The following IGF1R variants were observed in gnomAD, a reference collection of about 807,000 sequenced individuals.
The protein encoded by IGF1R is insulin like growth factor 1 receptor, also known as insulin-like growth factor 1 receptor.
Under a neutral mutation model 144.6 loss-of-function variants are expected in IGF1R, and 44 were observed. That is an observed-to-expected ratio of 0.30 (90% CI 0.24 to 0.39). The LOEUF (loss-of-function observed/expected upper bound fraction) is 0.39, where lower values mean the gene tolerates loss of function less well. Ranked by LOEUF, IGF1R falls within the 10% of genes least tolerant of loss-of-function variation. The probability of loss-of-function intolerance (pLI) is 1.00; values close to 1 mark genes in which losing one functional copy is unlikely to be tolerated. For synonymous variants in IGF1R, 795 were observed against 722.8 expected, an observed-to-expected ratio of 1.10 and a Z score of -1.60; for missense variants, 1,355 against 1,833.7, an observed-to-expected ratio of 0.74 and a Z score of 4.77.
chr15:98,827,366 A>C (rs962507836), intron 2 of IGF1R, among the ~76,000 whole-genome samples: 2 of 152,212 alleles, frequency 1.3e-5, no homozygotes, highest in African/African-American at 2.4e-5. Context: ...CCCTTAGCTC[A>C]GGGAGCTTTG....
chr15:98,923,188 A>T (rs952974597), intron 11 of IGF1R, among the ~76,000 whole-genome samples: 4 of 152,180 alleles, frequency 2.6e-5, no homozygotes, highest in Admixed American at 2.6e-4. Context: ...ACTTTCCATG[A>T]CCTTTGCTTA....
intron 2 of IGF1R, among the ~76,000 whole-genome samples, chr15:98,769,249 T>A (rs2055522037): frequency 1.3e-5 from 2 of 151,948 alleles, no homozygotes; most frequent in Non-Finnish European, 2.9e-5. Flanking sequence ...TTGTGGCTAA[T>A]TTGTCCATGA....
chr15:98,851,729 C>T (rs560034877), intron 2 of IGF1R, among the ~76,000 whole-genome samples: 18 of 152,306 alleles, frequency 1.2e-4, no homozygotes, highest in African/African-American at 3.8e-4. Context: ...TCAAGACCAA[C>T]CAGAAGGGGA....
At chr15:98,867,553 TC>T (rs769284654) in intron 2 of IGF1R, among the ~76,000 whole-genome samples, 4 of 152,152 alleles carry the variant, frequency 2.6e-5, no homozygotes, top group Admixed American at 6.5e-5. Context: ...GTTCTTGTCC[TC>T]CCGTTAGGTA....
intron 4 of IGF1R, among the ~76,000 whole-genome samples, chr15:98,899,271 C>T (rs903814003): frequency 6.6e-6 from 1 of 152,174 alleles, no homozygotes; most frequent in Non-Finnish European, 1.5e-5. Context: ...ACTTGGCTTC[C>T]CCTGCCTGGG....
intron 1 of IGF1R, among the ~76,000 whole-genome samples, chr15:98,692,919 T>C (rs1311757503): frequency 6.6e-6 from 1 of 151,954 alleles, no homozygotes; most frequent in Non-Finnish European, 1.5e-5. Flanking sequence ...GGGGGAGGTA[T>C]GAGTGGTGGA....
At chr15:98,912,486 C>T (rs995666075) in intron 7 of IGF1R, among the ~76,000 whole-genome samples, 5 of 152,224 alleles carry the variant, frequency 3.3e-5, no homozygotes, top group African/African-American at 1.2e-4. Context: ...ACTATATTCT[C>T]TGATAGTCAC....
At chr15:98,705,270 T>TC (rs1567085563) in intron 1 of IGF1R, among the ~76,000 whole-genome samples, 2 of 152,168 alleles carry the variant, frequency 1.3e-5, no homozygotes, top group Non-Finnish European at 2.9e-5. Context: ...AAGTGACACT[T>TC]CGACAGTGTC....
intron 19 of IGF1R, among the ~76,000 whole-genome samples, chr15:98,946,972 C>G (rs766872381): frequency 6.6e-6 from 1 of 152,202 alleles, no homozygotes; most frequent in African/African-American, 2.4e-5. Context: ...GAGAGCTAGT[C>G]ATTTCTTGTA....
chr15:98,779,844 A>G (rs184461232), intron 2 of IGF1R, among the ~76,000 whole-genome samples: 1 of 152,162 alleles, frequency 6.6e-6, no homozygotes, highest in Admixed American at 6.5e-5. Context: ...GGTGAAGATG[A>G]CAGAGGCGAA....
chr15:98,963,631 GA>G lies in IGF1R; in HGVS notation c.*6190del. On this transcript the variant is annotated 3_prime_UTR_variant, in exon 21 of 21. Coordinates refer to ENST00000650285, the MANE Select transcript of IGF1R (RefSeq NM_000875.5). ...CTGCACAGCCAATGGTTTTCATGAT[GA>G]TTACAGCATACACAGTGATCACATA... 1 of 233,290 alleles carries G rather than the reference GA, an allele frequency of 4.3e-6. No homozygotes were observed. The highest frequency in any genetic ancestry group is 8.5e-6 in the Non-Finnish European group (1 of 118,042). 14.5% of individuals were successfully genotyped at this position (233,290 alleles called of 1,614,324 possible). A position where few individuals can be genotyped will look rare whatever the true frequency, so the allele number is the denominator to read the frequency against.
chr15:98,775,180 T>G lies in IGF1R; in HGVS notation c.640+67073T>G, dbSNP rs192211417. ...CAGAAATGGATGACCCCCAGCTGGG[T>G]CAGGCCAAGTCCTCCCTGCTGTAGC... On this transcript the variant is annotated intron_variant, in intron 2 of 20. Coordinates refer to ENST00000650285, the MANE Select transcript of IGF1R (RefSeq NM_000875.5). Among the ~76,000 whole-genome samples the G allele has an allele frequency of 4.6e-4, 70 of 152,266 alleles. 1 individual carries two copies. In the Middle Eastern group the frequency reaches 0.014, roughly 30 times the overall value.
At chr15:98,730,786 A>G (rs1055204819) in intron 2 of IGF1R, among the ~76,000 whole-genome samples, 6 of 152,252 alleles carry the variant, frequency 3.9e-5, no homozygotes, top group Admixed American at 3.3e-4. Context: ...GTCAGTTATT[A>G]AAGTAACAAA....
chr15:98,887,742 T>C (rs979613701), intron 2 of IGF1R, among the ~76,000 whole-genome samples: 2 of 152,232 alleles, frequency 1.3e-5, no homozygotes, highest in African/African-American at 2.4e-5. Flanking sequence ...AGATCCATTA[T>C]ACGACGTGAA....
intron 1 of IGF1R, among the ~76,000 whole-genome samples, chr15:98,669,871 C>G (rs560948093): frequency 6.6e-6 from 1 of 152,130 alleles, no homozygotes; most frequent in Non-Finnish European, 1.5e-5. Context: ...AGGCCTGCCC[C>G]CAGTGCACTG....
At chr15:98,909,051 ATATGTC>A (rs2014867133) in intron 6 of IGF1R, 152 bp downstream of exon 6, 1 of 720,574 alleles carries the variant, frequency 1.4e-6, no homozygotes, top group Non-Finnish European at 2.5e-6. Context: ...GCTCCTACTT[ATATGTC>A]ATCACAATCA....
chr15:98,796,497 G>A (rs2056245240), intron 2 of IGF1R, among the ~76,000 whole-genome samples: 1 of 152,238 alleles, frequency 6.6e-6, no homozygotes, highest in South Asian at 2.1e-4. Flanking sequence ...AGGGAGAAAA[G>A]AGATAAAGAC....
intron 1 of IGF1R, among the ~76,000 whole-genome samples, chr15:98,682,508 T>C (rs912948678): frequency 2.2e-4 from 33 of 152,182 alleles, no homozygotes; most frequent in African/African-American, 7.5e-4. Context: ...TCTACGTTTT[T>C]ACATTTTCCT....
chr15:98,737,849 C>T (rs998568334), intron 2 of IGF1R, among the ~76,000 whole-genome samples: 1 of 152,136 alleles, frequency 6.6e-6, no homozygotes, highest in Admixed American at 6.5e-5. Flanking sequence ...TGCTCAGGGT[C>T]TCCAGTCAGC....
Sources: allele counts gnomAD v4.1 joint callset (sites outside exome capture counted in the v4.1 genomes callset), GRCh38; gene constraint gnomAD v4.1.1; transcripts MANE v1.5; gene names NCBI Gene and HGNC (gene_info 2026-07-23, HGNC 2026-07-21).